TMC7: variants seen among roughly 807,000 people sequenced by gnomAD.
The protein encoded by TMC7 is transmembrane channel like 7.
Under a neutral mutation model 82.9 loss-of-function variants are expected in TMC7, and 54 were observed. That is an observed-to-expected ratio of 0.65 (90% confidence interval 0.52 to 0.82). TMC7 has a LOEUF of 0.82. Among genes scored for constraint, TMC7 ranks in the 40% least tolerant of loss-of-function variants. The probability of loss-of-function intolerance (pLI) is 0.00; values close to 1 mark genes in which losing one functional copy is unlikely to be tolerated. For synonymous variants in TMC7, 350 were observed against 337.9 expected, an observed-to-expected ratio of 1.04 and a Z score of -0.39; for missense variants, 820 against 901.2, an observed-to-expected ratio of 0.91 and a Z score of 1.15.
At chr16:19,027,385 A>G (rs886885696) in intron 5 of TMC7, among the ~76,000 whole-genome samples, 2 of 152,024 alleles carry the variant, frequency 1.3e-5, no homozygotes, top group Non-Finnish European at 2.9e-5. Flanking sequence ...CTAACTCTTG[A>G]GCACTTGAAA....
intron 9 of TMC7, among the ~76,000 whole-genome samples, chr16:19,044,424 G>A (rs1961165844): frequency 1.3e-5 from 2 of 150,682 alleles, no homozygotes; most frequent in African/African-American, 4.9e-5. Flanking sequence ...AAACTTAAGG[G>A]CTCACGTGAT....
rs140007425 is a variant in TMC7 at position 19,030,312 on chromosome 16, C to A, written c.800C>A (p.Ala267Glu). The change falls in exon 6 of 16, where the codon GCG (alanine) becomes GAG (glutamate). Residue 267 changes from alanine to glutamate, a missense_variant. Ala to Glu is a moderately radical substitution (Grantham distance 107, BLOSUM62 -1). This residue lies in a region of TMC7 where 650 missense variants were observed against 669.9 expected (regional missense o/e 0.97). Coordinates refer to ENST00000304381, the MANE Select transcript of TMC7 (RefSeq NM_024847.4). Reference protein sequence around the residue: ...FQNFTYDLPLAYLLSTIASLA... With the variant: ...FQNFTYDLPLEYLLSTIASLA... Reference sequence around the variant, plus strand: ...AACTTCACCTATGATCTGCCCCTGGCGTATTTGTTAAGCACAATCGCCTCC... The same window carrying A: ...AACTTCACCTATGATCTGCCCCTGGAGTATTTGTTAAGCACAATCGCCTCC... 3.7e-6 allele frequency: 6 copies of A among 1,613,740 alleles called. No individual in the cohort carries two copies. The highest frequency in any genetic ancestry group is 5.1e-6 in the Non-Finnish European group (6 of 1,179,930).
intron 1 of TMC7, among the ~76,000 whole-genome samples, chr16:18,985,639 AG>A (rs2038832286): frequency 6.6e-6 from 1 of 151,858 alleles, no homozygotes; most frequent in African/African-American, 2.4e-5. Flanking sequence ...GCATCTTTTC[AG>A]GAGGACTATA....
At chr16:19,003,474 G>A (rs1489115177) in intron 1 of TMC7, among the ~76,000 whole-genome samples, 5 of 150,376 alleles carry the variant, frequency 3.3e-5, no homozygotes, top group Admixed American at 6.6e-5. Context: ...CTGCCCGGCC[G>A]CCCCTACTGG....
intron 13 of TMC7, among the ~76,000 whole-genome samples, chr16:19,054,934 G>T (rs1961704288): frequency 6.6e-6 from 1 of 151,898 alleles, no homozygotes; most frequent in South Asian, 2.1e-4. Flanking sequence ...TTTTAGTAGA[G>T]ACGGGGTTTC....
intron 2 of TMC7, among the ~76,000 whole-genome samples, chr16:19,016,219 T>A (rs530008254): frequency 4.0e-5 from 6 of 151,724 alleles, no homozygotes; most frequent in Admixed American, 6.6e-5. Context: ...CCTCGTGGAG[T>A]AGCTGGGATT....
chr16:19,020,844 A>G (rs1290527263), intron 3 of TMC7, among the ~76,000 whole-genome samples: 1 of 146,212 alleles, frequency 6.8e-6, no homozygotes, highest in African/African-American at 2.5e-5. Context: ...AGAGTGAGAC[A>G]TGGTGTCAAA....
chr16:19,026,891 A>G (rs571850344), intron 5 of TMC7, among the ~76,000 whole-genome samples: 23 of 151,144 alleles, frequency 1.5e-4, no homozygotes, highest in African/African-American at 5.3e-4. Context: ...CCTCCCAAGT[A>G]GCTGGGGTTA....
intron 4 of TMC7, among the ~76,000 whole-genome samples, chr16:19,022,262 T>C (rs919869467): frequency 2.0e-5 from 3 of 152,208 alleles, no homozygotes; most frequent in Non-Finnish European, 4.4e-5. Flanking sequence ...ATTGGACACA[T>C]TGGGGTTTGG....
chr16:19,009,153 T>G lies in TMC7; in HGVS notation c.68-19T>G. On this transcript the variant is annotated intron_variant, in intron 1 of 15. Coordinates refer to ENST00000304381, the MANE Select transcript of TMC7 (RefSeq NM_024847.4). ...CGAACTCACTGGAGTGAATGATGAC[T>G]TTCTTTTCTTTTACATAGAGAACCT... 6.2e-7 allele frequency: 1 copy of G among 1,607,606 alleles called. No individual in the cohort carries two copies. The highest frequency in any genetic ancestry group is 8.5e-7 in the Non-Finnish European group (1 of 1,175,690).
chr16:19,041,041 C>T (rs1461820386), intron 9 of TMC7, among the ~76,000 whole-genome samples: 1 of 151,890 alleles, frequency 6.6e-6, no homozygotes, highest in Admixed American at 6.6e-5. Flanking sequence ...CAGACATGCA[C>T]CACCATGCCC....
At chr16:19,051,649 TATTG>T (rs1452864211) in intron 12 of TMC7, 33 bp from the exon 13 acceptor site, 1 of 1,610,820 alleles carries the variant, frequency 6.2e-7, no homozygotes, top group South Asian at 1.1e-5. Flanking sequence ...AAGCTGTACT[TATTG>T]ATCTTAATTT....
chr16:18,996,477 G>C (rs754246112), intron 1 of TMC7, among the ~76,000 whole-genome samples: 26 of 152,188 alleles, frequency 1.7e-4, no homozygotes, highest in Non-Finnish European at 2.9e-4. Context: ...TTATAGGATA[G>C]ACAGATCGAA....
At chr16:19,041,236 T>C (rs1960999868) in intron 9 of TMC7, among the ~76,000 whole-genome samples, 1 of 152,060 alleles carries the variant, frequency 6.6e-6, no homozygotes, top group Non-Finnish European at 1.5e-5. Context: ...ATGATCCCCA[T>C]ATGCCTTTCA....
intron 1 of TMC7, among the ~76,000 whole-genome samples, chr16:18,997,519 A>G (rs1314085867): frequency 2.6e-5 from 4 of 151,656 alleles, no homozygotes; most frequent in Admixed American, 6.6e-5. Flanking sequence ...ACAGGCGCCC[A>G]CCACCACACC....
chr16:19,017,192 G>T (rs1252114243), intron 3 of TMC7, among the ~76,000 whole-genome samples: 1 of 151,662 alleles, frequency 6.6e-6, no homozygotes, highest in Non-Finnish European at 1.5e-5. Context: ...CTCAAAAGAA[G>T]TGCCAGTAAA....
intron 1 of TMC7, 41 bp from the exon 2 acceptor site, chr16:19,009,131 A>T: frequency 6.3e-7 from 1 of 1,590,016 alleles, no homozygotes. Context: ...TGGCTTCCGA[A>T]CTCACTGGAG....
intron 15 of TMC7, 84 bp downstream of exon 15, chr16:19,059,578 A>C (rs762484642): frequency 2.5e-6 from 4 of 1,612,690 alleles, no homozygotes; most frequent in Non-Finnish European, 3.4e-6. Context: ...CCTGGGAGGG[A>C]GTGAAATTAC....
At chr16:19,029,858 G>T (rs539226200) in intron 5 of TMC7, among the ~76,000 whole-genome samples, 2 of 152,058 alleles carry the variant, frequency 1.3e-5, no homozygotes, top group East Asian at 3.9e-4. Flanking sequence ...GGTTACAGGC[G>T]CGCAACACCA....
Sources: gnomAD v4.1 joint callset for allele counts (sites outside exome capture counted in the v4.1 genomes callset) on GRCh38, gnomAD v4.1.1 for gene constraint, gnomAD v4.1.1 regional missense constraint, MANE v1.5 for transcripts, NCBI Gene and HGNC (gene_info 2026-07-23, HGNC 2026-07-21) for gene names.